Variants in STK32B observed in about 807,000 individuals in gnomAD.
STK32B encodes the protein serine/threonine kinase 32B, also known as serine/threonine-protein kinase 32B.
Under a neutral mutation model 52.6 loss-of-function variants are expected in STK32B, and 43 were observed. That is an observed-to-expected ratio of 0.82 (90% CI 0.64 to 1.05). The LOEUF (loss-of-function observed/expected upper bound fraction) is 1.05. Ranked by LOEUF, STK32B falls within the 50% of genes least tolerant of loss-of-function variation. The pLI, the probability that STK32B is intolerant of heterozygous loss-of-function variation, is 0.00. For synonymous variants in STK32B, 238 were observed against 204.3 expected (o/e 1.17, Z -1.41); for missense variants, 621 against 534.6 (o/e 1.16, Z -1.59).
chr4:5,218,634 A>G (rs779378187), intron 3 of STK32B, among the ~76,000 whole-genome samples: 13 of 152,144 alleles, frequency 8.5e-5, no homozygotes, highest in Non-Finnish European at 1.3e-4. Context: ...TCCTTTTACA[A>G]TTTCATAGGA....
chr4:5,297,432 G>A (rs1375083079), intron 3 of STK32B, among the ~76,000 whole-genome samples: 1 of 151,232 alleles, frequency 6.6e-6, no homozygotes, highest in Non-Finnish European at 1.5e-5. Flanking sequence ...TGTAGTTTTG[G>A]TCTTTTTACA....
intron 4 of STK32B, among the ~76,000 whole-genome samples, chr4:5,366,263 A>T (rs893224409): frequency 6.6e-6 from 1 of 152,224 alleles, no homozygotes; most frequent in African/African-American, 2.4e-5. Context: ...GAAGCAATAA[A>T]GGGAAAGAGT....
Position 5,064,527 on chromosome 4 carries a change from C to G in STK32B, c.52+12612C>G, listed in dbSNP as rs1325370401. Among the ~76,000 whole-genome samples the G allele has an allele frequency of 2.6e-4, 14 of 54,012 alleles. 4 individuals carry two copies. The highest frequency in any genetic ancestry group is 5.0e-4 in the Non-Finnish European group (13 of 26,184). 35.4% of individuals were successfully genotyped at this position (54,012 alleles called of 152,430 possible). A position where few individuals can be genotyped will look rare whatever the true frequency, so the allele number is the denominator to read the frequency against. On this transcript the variant is annotated intron_variant, in intron 1 of 11. Coordinates refer to ENST00000282908, the MANE Select transcript of STK32B (RefSeq NM_018401.3). ...TAATATATAAATATATACTTATATACATATATAATATATAAATATATACTT... is the reference window on the plus strand; with the variant it reads ...TAATATATAAATATATACTTATATAGATATATAATATATAAATATATACTT...
chr4:5,204,458 T>TTTTTGTTTTTTTTTG (rs1722412797), intron 3 of STK32B, among the ~76,000 whole-genome samples: 1 of 146,756 alleles, frequency 6.8e-6, no homozygotes, highest in East Asian at 2.0e-4. Context: ...TTTTTAGGTT[T>TTTTTGTTTTTTTTTG]TTTTGTTTTG....
chr4:5,160,142 G>T (rs1361584276), intron 2 of STK32B, among the ~76,000 whole-genome samples: 3 of 152,150 alleles, frequency 2.0e-5, no homozygotes, highest in African/African-American at 7.2e-5. Context: ...GTGCAGCCCA[G>T]TTGACACAGA....
intron 11 of STK32B, among the ~76,000 whole-genome samples, chr4:5,486,026 C>G (rs190899894): frequency 0.01 from 1,560 of 152,296 alleles, 24 homozygotes; most frequent in African/African-American, 0.035. Context: ...TTAGGCTACT[C>G]GGGGATCAGG....
intron 1 of STK32B, among the ~76,000 whole-genome samples, chr4:5,126,701 G>A (rs960975349): frequency 3.9e-5 from 6 of 152,336 alleles, no homozygotes; most frequent in Middle Eastern, 3.4e-3. Flanking sequence ...ACCCTCAGCA[G>A]TGCAACTTAG....
intron 7 of STK32B, among the ~76,000 whole-genome samples, chr4:5,447,676 T>G (rs2109124556): frequency 6.6e-6 from 1 of 152,288 alleles, no homozygotes; most frequent in Middle Eastern, 3.4e-3. Context: ...TTTTGAGGTG[T>G]TATTTCTTTG....
At chr4:5,244,346 T>A (rs1017997760) in intron 3 of STK32B, among the ~76,000 whole-genome samples, 1 of 152,212 alleles carries the variant, frequency 6.6e-6, no homozygotes, top group African/African-American at 2.4e-5. Flanking sequence ...TCTTCTAGAT[T>A]TTCTAGTTTA....
At chr4:5,295,347 G>A (rs551021115) in intron 3 of STK32B, among the ~76,000 whole-genome samples, 56 of 152,244 alleles carry the variant, frequency 3.7e-4, no homozygotes, top group African/African-American at 1.2e-3. Flanking sequence ...CAGAAGGAAT[G>A]GTACCAGTTC....
At chr4:5,346,882 A>C (rs992889061) in intron 4 of STK32B, among the ~76,000 whole-genome samples, 2 of 152,216 alleles carry the variant, frequency 1.3e-5, no homozygotes, top group African/African-American at 4.8e-5. Context: ...GGAAACTTAC[A>C]ATCATGGTGG....
chr4:5,445,640 G>A (rs989614735), intron 6 of STK32B, among the ~76,000 whole-genome samples: 7 of 152,212 alleles, frequency 4.6e-5, no homozygotes, highest in East Asian at 3.9e-4. Context: ...CATCCCCTTC[G>A]CTGTATTTTT....
At chr4:5,211,310 C>G (rs1722889532) in intron 3 of STK32B, among the ~76,000 whole-genome samples, 1 of 152,156 alleles carries the variant, frequency 6.6e-6, no homozygotes, top group African/African-American at 2.4e-5. Context: ...CAAGGCCTTC[C>G]TGGTCCAAGG....
intron 3 of STK32B, among the ~76,000 whole-genome samples, chr4:5,249,927 G>C (rs1313415635): frequency 6.6e-6 from 1 of 152,068 alleles, no homozygotes; most frequent in Non-Finnish European, 1.5e-5. Context: ...CCTCAAGGAG[G>C]CGCTGGTTTC....
At position 5,334,871 on chromosome 4, in the gene STK32B, C is replaced by T. The variant is rs535751304; in HGVS notation, c.434+3478C>T. Among the ~76,000 whole-genome samples, 28 of 151,934 alleles carry T rather than the reference C, an allele frequency of 1.8e-4. No individual in the cohort carries two copies. The South Asian group carries it at 2.7e-3, about 15-fold the overall frequency. ...AAGCTTTTTGATGTGCTGCTGGATT[C>T]GGTTTGCCAGTATTTTATTGAGGAT... On this transcript the variant is annotated intron_variant, in intron 4 of 11. Coordinates refer to ENST00000282908, the MANE Select transcript of STK32B (RefSeq NM_018401.3).
At chr4:5,348,456 C>T (rs1025862750) in intron 4 of STK32B, among the ~76,000 whole-genome samples, 1 of 152,206 alleles carries the variant, frequency 6.6e-6, no homozygotes, top group African/African-American at 2.4e-5. Context: ...CCACCCATAG[C>T]CGTTGCTTTA....
At chr4:5,333,401 G>C (rs558584913) in intron 4 of STK32B, among the ~76,000 whole-genome samples, 8 of 152,196 alleles carry the variant, frequency 5.3e-5, no homozygotes, top group African/African-American at 1.2e-4. Flanking sequence ...GAGTAGGTTG[G>C]GAAAATGTTC....
At chr4:5,105,688 C>T (rs1273440563) in intron 1 of STK32B, among the ~76,000 whole-genome samples, 7 of 151,906 alleles carry the variant, frequency 4.6e-5, no homozygotes, top group South Asian at 2.1e-4. Flanking sequence ...CTCAGCCTCC[C>T]GAGCAGCTGG....
At chr4:5,182,242 T>A (rs1720419836) in intron 3 of STK32B, among the ~76,000 whole-genome samples, 1 of 152,188 alleles carries the variant, frequency 6.6e-6, no homozygotes, top group Admixed American at 6.5e-5. Context: ...CTCCCTCCAC[T>A]GAAGTCTTGA....
Sources: allele counts gnomAD v4.1 joint callset (sites outside exome capture counted in the v4.1 genomes callset), GRCh38; gene constraint gnomAD v4.1.1; transcripts MANE v1.5; gene names NCBI Gene and HGNC (gene_info 2026-07-23, HGNC 2026-07-21).